Variants in NRG3 observed in about 807,000 individuals in gnomAD.
NRG3 encodes neuregulin 3.
In NRG3, 31 loss-of-function variants were observed where a neutral mutation model predicts 66.9. The observed-to-expected ratio is 0.46, with a 90% CI of 0.35 to 0.63. NRG3 has a LOEUF of 0.63. NRG3 is among the 20% of genes least tolerant of loss of function. The probability of loss-of-function intolerance (pLI) is 0.00; values close to 1 mark genes in which losing one functional copy is unlikely to be tolerated. For synonymous variants in NRG3, 393 were observed against 359.4 expected, an observed-to-expected ratio of 1.09 and a Z score of -1.06; for missense variants, 910 against 878.9, an observed-to-expected ratio of 1.04 and a Z score of -0.45.
chr10:82,446,960 A>T (rs1403587751), intron 2 of NRG3, among the ~76,000 whole-genome samples: 1 of 152,188 alleles, frequency 6.6e-6, no homozygotes, highest in African/African-American at 2.4e-5. Context: ...AGTAGATGGT[A>T]TGTCATTAGA....
intron 1 of NRG3, among the ~76,000 whole-genome samples, chr10:81,915,105 G>A (rs978506359): frequency 6.6e-6 from 1 of 152,146 alleles, no homozygotes; most frequent in African/African-American, 2.4e-5. Flanking sequence ...CTCATTAAGG[G>A]ACTATTCTCT....
intron 2 of NRG3, among the ~76,000 whole-genome samples, chr10:82,428,334 C>T (rs1485407229): frequency 6.6e-6 from 1 of 151,610 alleles, no homozygotes; most frequent in Non-Finnish European, 1.5e-5. Context: ...CCTATTAATA[C>T]TTTACTAAGC....
In NRG3 at chr10:82,121,220, C is replaced by T. The variant is rs1462515867; in HGVS notation, c.824-237519C>T. On this transcript the variant is annotated intron_variant, in intron 1 of 8. Transcript: ENST00000372141. ...ACATTCTTCCTCTTACACCCTCTTG[C>T]TCCTGGTGACATCATAATCATCTTC... Among the ~76,000 whole-genome samples, 5 of 152,224 alleles carry T rather than the reference C, an allele frequency of 3.3e-5. No homozygotes were observed. In the East Asian group the frequency reaches 9.7e-4, roughly 30 times the overall value.
intron 1 of NRG3, among the ~76,000 whole-genome samples, chr10:82,331,588 A>G (rs2082136696): frequency 6.6e-6 from 1 of 152,122 alleles, no homozygotes; most frequent in Non-Finnish European, 1.5e-5. Flanking sequence ...AATGGTTTGG[A>G]GACATCAGAA....
At chr10:81,876,281 G>A in intron 1 of NRG3, 118 bp downstream of exon 1, 1 of 1,389,500 alleles carries the variant, frequency 7.2e-7, no homozygotes, top group Non-Finnish European at 9.6e-7. Flanking sequence ...CCCAGGTTTG[G>A]GGCAGAGTGA....
intron 6 of NRG3, among the ~76,000 whole-genome samples, chr10:82,959,554 C>T (rs1850405119): frequency 6.6e-6 from 1 of 152,064 alleles, no homozygotes; most frequent in Non-Finnish European, 1.5e-5. Flanking sequence ...TGGGGGCTGC[C>T]TCACAACAGA....
intron 2 of NRG3, among the ~76,000 whole-genome samples, chr10:82,610,562 C>T (rs1386229902): frequency 2.0e-5 from 3 of 152,214 alleles, no homozygotes; most frequent in African/African-American, 7.2e-5. Context: ...AAGTGTCAAG[C>T]CCACTGGGAT....
At chr10:82,074,614 G>C (rs779065857) in intron 1 of NRG3, among the ~76,000 whole-genome samples, 4 of 152,144 alleles carry the variant, frequency 2.6e-5, no homozygotes, top group African/African-American at 4.8e-5. Flanking sequence ...AGGAACTCTT[G>C]AAGCCAGGAG....
At chr10:82,821,466 A>G (rs1017365925) in intron 3 of NRG3, among the ~76,000 whole-genome samples, 4 of 151,460 alleles carry the variant, frequency 2.6e-5, no homozygotes, top group African/African-American at 7.3e-5. Flanking sequence ...GGACAGTTGC[A>G]TAGTCTGGTT....
chr10:82,064,017 A>T (rs575095894), intron 1 of NRG3, among the ~76,000 whole-genome samples: 1 of 152,272 alleles, frequency 6.6e-6, no homozygotes, highest in African/African-American at 2.4e-5. Flanking sequence ...CCAGTCTTGT[A>T]TTTTTTCTCA....
chr10:82,674,334 AT>A (rs1446496102), intron 2 of NRG3, among the ~76,000 whole-genome samples: 2 of 152,144 alleles, frequency 1.3e-5, no homozygotes, highest in Non-Finnish European at 2.9e-5. Flanking sequence ...ATATTGCCTC[AT>A]TTTTGTTCAA....
At chr10:82,154,589 G>A (rs946061619) in intron 1 of NRG3, among the ~76,000 whole-genome samples, 5 of 150,150 alleles carry the variant, frequency 3.3e-5, no homozygotes, top group African/African-American at 1.2e-4. Context: ...GAATTGTTTT[G>A]TCTATTTCTG....
At chr10:82,570,447 G>A (rs1366437194) in intron 2 of NRG3, among the ~76,000 whole-genome samples, 1 of 151,578 alleles carries the variant, frequency 6.6e-6, no homozygotes, top group African/African-American at 2.4e-5. Context: ...GGTAGGGAGA[G>A]GTGATCTTTT....
At chr10:81,976,292 A>G (rs1425889417) in intron 1 of NRG3, among the ~76,000 whole-genome samples, 1 of 152,178 alleles carries the variant, frequency 6.6e-6, no homozygotes, top group African/African-American at 2.4e-5. Context: ...GCTAATAGGC[A>G]CTATAAAGGT....
intron 1 of NRG3, among the ~76,000 whole-genome samples, chr10:81,885,704 G>A (rs1474242853): frequency 6.6e-6 from 1 of 152,124 alleles, no homozygotes; most frequent in Non-Finnish European, 1.5e-5. Flanking sequence ...CCATGCTGAA[G>A]GATAGGAATA....
chr10:82,176,756 C>A (rs2073061624), intron 1 of NRG3, among the ~76,000 whole-genome samples: 1 of 152,038 alleles, frequency 6.6e-6, no homozygotes, highest in Admixed American at 6.6e-5. Flanking sequence ...TTGCTGTTTT[C>A]CTTGACCTGT....
chr10:82,041,165 G>A (rs892553245), intron 1 of NRG3, among the ~76,000 whole-genome samples: 1 of 152,020 alleles, frequency 6.6e-6, no homozygotes, highest in Non-Finnish European at 1.5e-5. Context: ...AAGTTCTGTG[G>A]CTGTTAGAAT....
At chr10:82,724,243 A>G (rs1278859222) in intron 2 of NRG3, among the ~76,000 whole-genome samples, 5 of 150,668 alleles carry the variant, frequency 3.3e-5, no homozygotes, top group Non-Finnish European at 5.9e-5. Flanking sequence ...TTAAGACCAG[A>G]CCTCCCTTTC....
intron 2 of NRG3, among the ~76,000 whole-genome samples, chr10:82,563,059 C>A (rs617738): frequency 0.36 from 53,936 of 151,858 alleles, 10,063 homozygotes; most frequent in African/African-American, 0.47. Flanking sequence ...TGAGTGTATA[C>A]CCACGTATAT....
Sources: gnomAD v4.1 joint callset for allele counts (sites outside exome capture counted in the v4.1 genomes callset) on GRCh38, gnomAD v4.1.1 for gene constraint, MANE v1.5 for transcripts, NCBI Gene and HGNC (gene_info 2026-07-23, HGNC 2026-07-21) for gene names.